Variants in DLGAP1 observed in about 807,000 individuals in gnomAD.
DLGAP1 encodes DLG associated protein 1, also known as disks large-associated protein 1.
Under a neutral mutation model 90.8 loss-of-function variants are expected in DLGAP1, and 11 were observed. That is an observed-to-expected ratio of 0.12 (90% CI 0.08 to 0.20). The LOEUF (loss-of-function observed/expected upper bound fraction) is 0.20. DLGAP1 is among the 10% of genes least tolerant of loss of function. The pLI, the probability that DLGAP1 is intolerant of heterozygous loss-of-function variation, is 1.00. For synonymous variants in DLGAP1, 558 were observed against 540.7 expected, an observed-to-expected ratio of 1.03 and a Z score of -0.44; for missense variants, 1,050 against 1,333.8, an observed-to-expected ratio of 0.79 and a Z score of 3.31.
At position 3,499,232 on chromosome 18, in the gene DLGAP1, C is replaced by T. The variant is rs1398772288; in HGVS notation, c.2887G>A (p.Ala963Thr). Residue 963 changes from alanine to threonine, a missense_variant, in exon 13 of 13, where the codon GCC becomes ACC. By Grantham distance (58) the Ala-to-Thr change is moderately conservative (BLOSUM62 0). Transcript: ENST00000315677. The surrounding 1 kb of genome is among the most constrained non-coding windows in gnomAD (Gnocchi z 6.4). The stretch of plus-strand genomic sequence containing the variant: ...GGGATGTAGATCTCGATGCTCTCGG[C>T]GCTCTCGGTGGCCGAGTTCTGGCGG... ...SVRQNSATES[A>T]ESIEIYIPEA... 3.1e-6 allele frequency: 5 copies of T among 1,596,866 alleles called. No individual in the cohort carries two copies. Among genetic ancestry groups the T allele is most frequent in the Non-Finnish European group, 2.6e-6 (3 of 1,174,340 alleles).
chr18:3,924,754 A>G (rs982721399), intron 3 of DLGAP1, among the ~76,000 whole-genome samples: 8 of 152,080 alleles, frequency 5.3e-5, no homozygotes, highest in Non-Finnish European at 1.0e-4. Flanking sequence ...GAATCTTGCA[A>G]TTTCTACTCT....
chr18:3,946,964 G>A lies in DLGAP1; in HGVS notation c.-73+58152C>T, dbSNP rs570401388. Among the ~76,000 whole-genome samples the A allele has an allele frequency of 7.9e-5, 12 of 152,258 alleles. No homozygotes were observed. The South Asian group carries it at 2.5e-3, about 32-fold the overall frequency. Reference sequence around the variant, plus strand: ...TCCACTAAGTTCTTGATATTTTAGGGGGGAGACTTACATGATTATTGGGAT... The same window carrying A: ...TCCACTAAGTTCTTGATATTTTAGGAGGGAGACTTACATGATTATTGGGAT... On this transcript the variant is annotated intron_variant, in intron 3 of 12. Coordinates refer to ENST00000315677, the MANE Select transcript of DLGAP1 (RefSeq NM_004746.4).
chr18:4,228,325 T>G (rs1383301103), intron 1 of DLGAP1, among the ~76,000 whole-genome samples: 1 of 152,012 alleles, frequency 6.6e-6, no homozygotes, highest in Non-Finnish European at 1.5e-5. Flanking sequence ...GAGGGAATAC[T>G]TCCAACCTCA....
intron 2 of DLGAP1, among the ~76,000 whole-genome samples, chr18:4,119,284 G>C (rs2076115209): frequency 1.3e-5 from 2 of 151,924 alleles, no homozygotes; most frequent in Non-Finnish European, 2.9e-5. Flanking sequence ...TGTAGAGATG[G>C]GTTCTCACTA....
chr18:4,164,622 G>A (rs776688995), intron 1 of DLGAP1, among the ~76,000 whole-genome samples: 2 of 152,134 alleles, frequency 1.3e-5, no homozygotes, highest in African/African-American at 2.4e-5. Context: ...GAAGGTTGCA[G>A]TGAGCCAAGA....
intron 7 of DLGAP1, among the ~76,000 whole-genome samples, chr18:3,632,450 C>T (rs1360722100): frequency 2.0e-5 from 3 of 152,036 alleles, no homozygotes; most frequent in Non-Finnish European, 2.9e-5. Context: ...TACAGACTCA[C>T]GCCACCAGGC....
intron 1 of DLGAP1, among the ~76,000 whole-genome samples, chr18:4,356,289 C>T (rs916139776): frequency 2.0e-5 from 3 of 152,046 alleles, no homozygotes; most frequent in African/African-American, 7.2e-5. Flanking sequence ...TACCTATACA[C>T]TGACAACTCC....
At position 3,582,257 on chromosome 18, in the gene DLGAP1, C is replaced by A; in HGVS notation, c.1592-9G>T. On this transcript the variant is annotated splice_polypyrimidine_tract_variant and intron_variant, in intron 7 of 12. Coordinates refer to ENST00000315677, the MANE Select transcript of DLGAP1 (RefSeq NM_004746.4). ...TGTAATGCAAGATGACACTGGAAGACAGTGAAAACAAAGACAATGTGATTT... is the reference window on the plus strand; with the variant it reads ...TGTAATGCAAGATGACACTGGAAGAAAGTGAAAACAAAGACAATGTGATTT... The A allele has an allele frequency of 6.2e-7, 1 of 1,602,478 alleles. No homozygotes were observed. Among genetic ancestry groups the A allele is most frequent in the South Asian group, 1.1e-5 (1 of 90,798 alleles).
intron 1 of DLGAP1, among the ~76,000 whole-genome samples, chr18:4,173,143 T>C (rs2077051069): frequency 6.6e-6 from 1 of 152,242 alleles, no homozygotes. Context: ...AAAGTGGTGA[T>C]GATGTCATCC....
At chr18:3,886,628 ACTCT>A (rs202094921) in intron 3 of DLGAP1, among the ~76,000 whole-genome samples, 22 of 151,890 alleles carry the variant, frequency 1.4e-4, no homozygotes, top group African/African-American at 4.1e-4. Context: ...CATCCTTCTA[ACTCT>A]CTATCTCTCA....
At chr18:3,720,987 T>C (rs553435741) in intron 7 of DLGAP1, among the ~76,000 whole-genome samples, 1 of 151,786 alleles carries the variant, frequency 6.6e-6, no homozygotes, top group African/African-American at 2.4e-5. Context: ...GCACAGGATG[T>C]TGAGGCTGCA....
chr18:3,547,782 A>G (rs2053147486), intron 9 of DLGAP1, among the ~76,000 whole-genome samples: 1 of 152,250 alleles, frequency 6.6e-6, no homozygotes, highest in African/African-American at 2.4e-5. Flanking sequence ...AGACTTGTAC[A>G]TGAATGTTCA....
chr18:4,103,292 C>G (rs550953405), intron 2 of DLGAP1, among the ~76,000 whole-genome samples: 4 of 152,084 alleles, frequency 2.6e-5, no homozygotes, highest in South Asian at 4.1e-4. Flanking sequence ...TGTTCAGGAG[C>G]TTGGTGTATT....
At chr18:3,916,140 A>G (rs552041836) in intron 3 of DLGAP1, among the ~76,000 whole-genome samples, 1 of 152,306 alleles carries the variant, frequency 6.6e-6, no homozygotes, top group Admixed American at 6.5e-5. Context: ...TGTCCACCAC[A>G]GACTATATTC....
At chr18:3,706,142 A>G (rs948661002) in intron 7 of DLGAP1, among the ~76,000 whole-genome samples, 2 of 150,740 alleles carry the variant, frequency 1.3e-5, no homozygotes, top group East Asian at 4.0e-4. Flanking sequence ...GATTACAGGC[A>G]CTCACCACCA....
Position 3,560,911 on chromosome 18 carries a change from C to T in DLGAP1, c.2057+6579G>A, listed in dbSNP as rs1272898339. Among the ~76,000 whole-genome samples, 3 of 150,762 alleles carry T rather than the reference C, an allele frequency of 2.0e-5. 1 individual carries two copies. The highest frequency in any genetic ancestry group is 7.5e-5 in the African/African-American group (3 of 40,188). ...TAGAGTTTGCATTATGTATTTACCA[C>T]GAATCCAATCCACTTTCATATAACA... On this transcript the variant is annotated intron_variant, in intron 9 of 12. Coordinates refer to ENST00000315677, the MANE Select transcript of DLGAP1 (RefSeq NM_004746.4).
intron 1 of DLGAP1, among the ~76,000 whole-genome samples, chr18:4,357,157 C>CTTTTTTTTTTTTTTTT (rs554248097): frequency 9.2e-6 from 1 of 108,744 alleles, no homozygotes; most frequent in African/African-American, 3.6e-5. Flanking sequence ...TGTTTTTTTC[C>CTTTTTTTTTTTTTTTT]TTTTTTTTTT....
intron 1 of DLGAP1, among the ~76,000 whole-genome samples, chr18:4,192,475 A>G (rs567167529): frequency 1.3e-5 from 2 of 152,334 alleles, no homozygotes; most frequent in African/African-American, 4.8e-5. Flanking sequence ...CAAAGCTATT[A>G]TTGGAACGTA....
intron 4 of DLGAP1, among the ~76,000 whole-genome samples, chr18:3,876,292 C>CT (rs766729067): frequency 6.6e-6 from 1 of 152,164 alleles, no homozygotes; most frequent in Non-Finnish European, 1.5e-5. Flanking sequence ...TCTTCCCTTT[C>CT]TTTACAGCAT....
Sources: gnomAD v4.1 joint callset for allele counts (sites outside exome capture counted in the v4.1 genomes callset) on GRCh38, gnomAD v4.1.1 for gene constraint, Gnocchi (gnomAD v3.1) non-coding constraint, MANE v1.5 for transcripts, NCBI Gene and HGNC (gene_info 2026-07-23, HGNC 2026-07-21) for gene names.